The following NUBPL variants were observed in gnomAD, a reference collection of about 807,000 sequenced individuals.
NUBPL encodes NUBP iron-sulfur cluster assembly factor, mitochondrial, also known as iron-sulfur cluster transfer protein NUBPL.
Under a neutral mutation model 45.7 loss-of-function variants are expected in NUBPL, and 31 were observed. The observed-to-expected ratio is 0.68, with a 90% CI of 0.51 to 0.92. The LOEUF (loss-of-function observed/expected upper bound fraction) is 0.92, where lower values mean the gene tolerates loss of function less well. Among genes scored for constraint, NUBPL ranks in the 40% least tolerant of loss-of-function variants. NUBPL has a pLI of 0.00. For missense variants in NUBPL, 401 were observed against 398.7 expected (o/e 1.01, Z -0.05); for synonymous variants, 144 against 140.9 (o/e 1.02, Z -0.15).
intron 6 of NUBPL, among the ~76,000 whole-genome samples, chr14:31,751,110 C>T (rs1000671200): frequency 7.2e-5 from 11 of 152,170 alleles, no homozygotes; most frequent in Admixed American, 5.9e-4. Flanking sequence ...CCAGGTCCCT[C>T]CCTTGACAGG....
chr14:31,666,829 A>G (rs1333422234), intron 4 of NUBPL, among the ~76,000 whole-genome samples: 2 of 152,114 alleles, frequency 1.3e-5, no homozygotes, highest in South Asian at 2.1e-4. Flanking sequence ...TTGGCCGTAT[A>G]TGAAATTCTG....
chr14:31,613,551 C>T (rs931083015), intron 4 of NUBPL, among the ~76,000 whole-genome samples: 2 of 151,804 alleles, frequency 1.3e-5, no homozygotes, highest in Admixed American at 6.6e-5. Context: ...TCCCAGGTTC[C>T]CGTTCAAGCA....
chr14:31,599,066 A>G (rs2034355339), intron 3 of NUBPL, among the ~76,000 whole-genome samples: 1 of 152,212 alleles, frequency 6.6e-6, no homozygotes, highest in South Asian at 2.1e-4. Flanking sequence ...TCAGTTGTCT[A>G]GACGATATTA....
chr14:31,631,082 AAG>A (rs2035329778), intron 4 of NUBPL, among the ~76,000 whole-genome samples: 1 of 152,146 alleles, frequency 6.6e-6, no homozygotes, highest in African/African-American at 2.4e-5. Context: ...TTCAGCCTGG[AAG>A]CTGTCTCCAG....
Position 31,769,373 on chromosome 14 carries a change from C to T in NUBPL, c.514-18407C>T, listed in dbSNP as rs553189183. On this transcript the variant is annotated intron_variant, in intron 6 of 10. Coordinates refer to ENST00000281081, the MANE Select transcript of NUBPL (RefSeq NM_025152.3). ...ATTGAATCCCCTCCTAGCTCCTTAC[C>T]TAGAGGTTGGGGGGACAATCTTCTC... 1.2e-3 allele frequency among the ~76,000 whole-genome samples: 186 copies of T among 152,202 alleles called. 3 individuals are homozygous for T. In the South Asian group the frequency reaches 0.016, roughly 13 times the overall value.
chr14:31,856,039 AT>A (rs1290720467), intron 10 of NUBPL, among the ~76,000 whole-genome samples: 1 of 152,146 alleles, frequency 6.6e-6, no homozygotes, highest in Non-Finnish European at 1.5e-5. Context: ...TAAGCATATT[AT>A]TTTATTCGTT....
chr14:31,856,774 G>A (rs930233774), intron 10 of NUBPL, among the ~76,000 whole-genome samples: 2 of 152,194 alleles, frequency 1.3e-5, no homozygotes, highest in Non-Finnish European at 2.9e-5. Context: ...TCTAGGTCAC[G>A]CTGATGCAAG....
At chr14:31,634,068 C>T (rs76812280) in intron 4 of NUBPL, among the ~76,000 whole-genome samples, 1 of 151,474 alleles carries the variant, frequency 6.6e-6, no homozygotes, top group Non-Finnish European at 1.5e-5. Flanking sequence ...GCGACAAAAT[C>T]AGTTCTTTTT....
intron 6 of NUBPL, among the ~76,000 whole-genome samples, chr14:31,700,421 C>T (rs1006621352): frequency 2.0e-5 from 3 of 152,278 alleles, no homozygotes; most frequent in South Asian, 2.1e-4. Context: ...GGTGCCTTCT[C>T]GGCCTCAGCG....
At position 31,752,288 on chromosome 14, in the gene NUBPL, A is replaced by G. The variant is rs1017995967; in HGVS notation, c.514-35492A>G. 3.3e-5 allele frequency among the ~76,000 whole-genome samples: 5 copies of G among 152,202 alleles called. No individual in the cohort carries two copies. The East Asian group carries it at 5.8e-4, about 18-fold the overall frequency. On this transcript the variant is annotated intron_variant, in intron 6 of 10. Coordinates refer to ENST00000281081, the MANE Select transcript of NUBPL (RefSeq NM_025152.3). ...CTTGTGCCCTGCTTCCCTGTTAAAC[A>G]TAAGTTCCAATTTCAGATCATCTCT...
rs532018619 is a variant in NUBPL, at chr14:31,745,313, G to T, written c.514-42467G>T. On this transcript the variant is annotated intron_variant, in intron 6 of 10. Transcript: ENST00000281081. Reference sequence around the variant, plus strand: ...GAGAACATGTGATGTTTGGTTTTTTGTCCTTGTGATAGTTTGCTGAGAATG... The same window carrying T: ...GAGAACATGTGATGTTTGGTTTTTTTTCCTTGTGATAGTTTGCTGAGAATG... Among the ~76,000 whole-genome samples the T allele has an allele frequency of 1.0e-3, 157 of 151,904 alleles. 1 individual carries two copies. The highest frequency in any genetic ancestry group is 3.6e-3 in the African/African-American group (149 of 41,402).
chr14:31,666,254 T>G (rs867023890), intron 4 of NUBPL, among the ~76,000 whole-genome samples: 1 of 52,486 alleles, frequency 1.9e-5, no homozygotes, highest in Non-Finnish European at 4.4e-5. Context: ...TATATATATA[T>G]ATATATATAA....
chr14:31,777,554 T>C (rs2039118107), intron 6 of NUBPL, among the ~76,000 whole-genome samples: 1 of 152,156 alleles, frequency 6.6e-6, no homozygotes, highest in African/African-American at 2.4e-5. Flanking sequence ...AGCAGCCAAA[T>C]GCTTAGCCCA....
intron 3 of NUBPL, among the ~76,000 whole-genome samples, chr14:31,570,363 G>C (rs990820076): frequency 7.2e-5 from 11 of 152,070 alleles, no homozygotes; most frequent in African/African-American, 2.4e-4. Flanking sequence ...ACTCTTAAAG[G>C]TTTTATAATC....
chr14:31,795,164 G>A (rs1263930942), intron 7 of NUBPL, among the ~76,000 whole-genome samples: 4 of 150,798 alleles, frequency 2.7e-5, no homozygotes, highest in South Asian at 2.1e-4. Context: ...GTCAGGTAGT[G>A]TGATGCCTCC....
Position 31,692,016 on chromosome 14 carries a change from AG to A in NUBPL, c.513+18443del, listed in dbSNP as rs112406117. ...GCATTTTGTGATGCCTTGGGAAAAA[AG>A]CATGTCAGGATATATATATTTTTTT... On this transcript the variant is annotated intron_variant, in intron 6 of 10. Transcript: ENST00000281081. Among the ~76,000 whole-genome samples the A allele has an allele frequency of 3.9e-4, 60 of 152,340 alleles. 1 individual carries two copies. The highest frequency in any genetic ancestry group is 1.3e-3 in the African/African-American group (54 of 41,574).
chr14:31,801,479 A>T (rs754732314), intron 7 of NUBPL, among the ~76,000 whole-genome samples: 5 of 152,226 alleles, frequency 3.3e-5, no homozygotes, highest in Non-Finnish European at 5.9e-5. Flanking sequence ...CTGCCCTCTA[A>T]AAGATTGTAA....
intron 4 of NUBPL, among the ~76,000 whole-genome samples, chr14:31,599,786 C>T (rs1433395583): frequency 1.3e-5 from 2 of 152,080 alleles, no homozygotes; most frequent in Non-Finnish European, 2.9e-5. Flanking sequence ...TAGGTGTTTG[C>T]AAAGTGAAAA....
intron 4 of NUBPL, among the ~76,000 whole-genome samples, chr14:31,666,005 T>G (rs1158188372): frequency 6.6e-6 from 1 of 151,818 alleles, no homozygotes; most frequent in East Asian, 1.9e-4. Context: ...TTTTTTGATC[T>G]TTGTTGGTTT....
Sources: allele counts gnomAD v4.1 joint callset (sites outside exome capture counted in the v4.1 genomes callset), GRCh38; gene constraint gnomAD v4.1.1; transcripts MANE v1.5; gene names NCBI Gene and HGNC (gene_info 2026-07-23, HGNC 2026-07-21).